SCLT1: variants seen among roughly 807,000 people sequenced by gnomAD.
The protein encoded by SCLT1 is sodium channel-associated protein 1.
In SCLT1, 78 loss-of-function variants were observed where a neutral mutation model predicts 112.8. The observed-to-expected ratio is 0.69, with a 90% CI of 0.58 to 0.83. The LOEUF is 0.83. Ranked by LOEUF, SCLT1 falls within the 40% of genes least tolerant of loss-of-function variation. The pLI is 0.00. For synonymous variants in SCLT1, 257 were observed against 254.7 expected, an observed-to-expected ratio of 1.01 and a Z score of -0.09; for missense variants, 747 against 770.4, an observed-to-expected ratio of 0.97 and a Z score of 0.36.
intron 18 of SCLT1, among the ~76,000 whole-genome samples, chr4:128,934,414 C>A (rs1471633034): frequency 1.3e-5 from 2 of 151,668 alleles, no homozygotes; most frequent in African/African-American, 4.8e-5. Flanking sequence ...AGGATTCTAA[C>A]TGGGATTACA....
chr4:128,984,091 T>C (rs1741894302), intron 9 of SCLT1, among the ~76,000 whole-genome samples: 1 of 152,358 alleles, frequency 6.6e-6, no homozygotes, highest in East Asian at 1.9e-4. Flanking sequence ...GTAAATATTA[T>C]GGCAAAGTTG....
At chr4:128,963,604 C>G (rs753389340) in intron 11 of SCLT1, among the ~76,000 whole-genome samples, 9 of 152,192 alleles carry the variant, frequency 5.9e-5, no homozygotes, top group African/African-American at 9.6e-5. Context: ...TTTTCTACTA[C>G]TCCTGTTCAA....
intron 5 of SCLT1, among the ~76,000 whole-genome samples, chr4:129,009,291 A>G (rs1465525002): frequency 6.6e-6 from 1 of 152,134 alleles, no homozygotes; most frequent in Non-Finnish European, 1.5e-5. Flanking sequence ...CAAGGCAGGC[A>G]GATCATGAGG....
At position 129,013,986 on chromosome 4, in the gene SCLT1, T is replaced by C. The variant is rs577987724; in HGVS notation, c.291-10110A>G. On this transcript the variant is annotated intron_variant, in intron 5 of 20. Transcript: ENST00000281142. ...GTCTCTTTACATAATCCCATATTTC[T>C]TGGAGGTTTTGTTCACTCCTTTTCA... Among the ~76,000 whole-genome samples the C allele has an allele frequency of 8.8e-4, 134 of 152,338 alleles. 2 individuals carry two copies. The South Asian group carries it at 0.025, about 28-fold the overall frequency.
chr4:128,958,733 C>G (rs549607394), intron 12 of SCLT1, among the ~76,000 whole-genome samples: 1 of 152,092 alleles, frequency 6.6e-6, no homozygotes, highest in Non-Finnish European at 1.5e-5. Context: ...TTCTAAAAGA[C>G]AGTATTCAGA....
chr4:128,904,863 C>A (rs1167542115), intron 18 of SCLT1, among the ~76,000 whole-genome samples: 1 of 152,136 alleles, frequency 6.6e-6, no homozygotes, highest in African/African-American at 2.4e-5. Flanking sequence ...AGTTTCAAAT[C>A]TTTTCTCATT....
intron 5 of SCLT1, among the ~76,000 whole-genome samples, chr4:129,029,252 C>A (rs932011764): frequency 1.3e-5 from 2 of 151,886 alleles, no homozygotes; most frequent in African/African-American, 4.8e-5. Flanking sequence ...GCACTATTCA[C>A]AATAGCAAAG....
chr4:129,078,987 G>T (rs906508349), intron 2 of SCLT1, among the ~76,000 whole-genome samples: 4 of 151,998 alleles, frequency 2.6e-5, no homozygotes, highest in African/African-American at 4.8e-5. Context: ...AAAATGGGGA[G>T]GTACTACCCA....
chr4:129,049,494 G>T (rs1299608789), intron 2 of SCLT1, among the ~76,000 whole-genome samples: 1 of 106,636 alleles, frequency 9.4e-6, no homozygotes, highest in Non-Finnish European at 1.8e-5. Flanking sequence ...TGGGGGGAGG[G>T]GGGAGGGATA....
chr4:129,087,916 T>C (rs1752536769), intron 1 of SCLT1, among the ~76,000 whole-genome samples: 2 of 151,038 alleles, frequency 1.3e-5, no homozygotes, highest in Admixed American at 1.3e-4. Flanking sequence ...GGAGACCCTA[T>C]CTCTACAAAA....
chr4:129,088,384 C>T (rs1433030048), intron 1 of SCLT1, among the ~76,000 whole-genome samples: 1 of 152,062 alleles, frequency 6.6e-6, no homozygotes, highest in African/African-American at 2.4e-5. Flanking sequence ...AACATAAGAA[C>T]GTCTATGAAA....
At chr4:129,024,323 C>A (rs1316581852) in intron 5 of SCLT1, among the ~76,000 whole-genome samples, 1 of 152,224 alleles carries the variant, frequency 6.6e-6, no homozygotes, top group African/African-American at 2.4e-5. Flanking sequence ...TGACACCTCA[C>A]ATGGCCGGGT....
intron 5 of SCLT1, among the ~76,000 whole-genome samples, chr4:129,007,183 T>A (rs967763518): frequency 6.6e-6 from 1 of 151,886 alleles, no homozygotes; most frequent in Admixed American, 6.6e-5. Flanking sequence ...TTCAGAAAAC[T>A]ATCACGTGTA....
chr4:129,032,705 AT>A (rs1319295483), intron 5 of SCLT1, among the ~76,000 whole-genome samples: 1 of 152,136 alleles, frequency 6.6e-6, no homozygotes, highest in African/African-American at 2.4e-5. Flanking sequence ...AAAAGAAGAT[AT>A]TTATACAGCC....
intron 6 of SCLT1, among the ~76,000 whole-genome samples, chr4:129,000,213 C>T (rs1743356616): frequency 6.6e-6 from 1 of 151,670 alleles, no homozygotes; most frequent in South Asian, 2.1e-4. Context: ...CAGAGAAAAA[C>T]AGGAGAAAAT....
intron 3 of SCLT1, among the ~76,000 whole-genome samples, chr4:128,878,290 T>G (rs1732566677): frequency 6.6e-6 from 1 of 152,222 alleles, no homozygotes; most frequent in Admixed American, 6.5e-5. Flanking sequence ...TTGGCTTATA[T>G]ATGGCCGAGT....
At chr4:128,885,020 C>T (rs17013899) in intron 20 of SCLT1, among the ~76,000 whole-genome samples, 3,407 of 152,128 alleles carry the variant, frequency 0.022, 109 homozygotes, top group African/African-American at 0.074. Flanking sequence ...AAATGCAGGT[C>T]AAATAAGACA....
intron 18 of SCLT1, among the ~76,000 whole-genome samples, chr4:128,900,328 G>T (rs1734167505): frequency 6.6e-6 from 1 of 152,130 alleles, no homozygotes; most frequent in Non-Finnish European, 1.5e-5. Flanking sequence ...CCAAAACAGA[G>T]ATACAGACCA....
chr4:128,911,306 C>T (rs1735079182), intron 18 of SCLT1, among the ~76,000 whole-genome samples: 1 of 152,092 alleles, frequency 6.6e-6, no homozygotes, highest in South Asian at 2.1e-4. Context: ...TAACAACAAT[C>T]TCTCATTTAA....
Sources: gnomAD v4.1 joint callset for allele counts (sites outside exome capture counted in the v4.1 genomes callset) on GRCh38, gnomAD v4.1.1 for gene constraint, MANE v1.5 for transcripts, NCBI Gene and HGNC (gene_info 2026-07-23, HGNC 2026-07-21) for gene names.